The following EHBP1 variants were observed in gnomAD, a reference collection of about 807,000 sequenced individuals.
The protein encoded by EHBP1 is EH domain-binding protein 1.
Under a neutral mutation model 144.0 loss-of-function variants are expected in EHBP1, and 55 were observed. That is an observed-to-expected ratio of 0.38 (90% CI 0.31 to 0.48). The LOEUF is 0.48. Ranked by LOEUF, EHBP1 falls within the 20% of genes least tolerant of loss-of-function variation. EHBP1 has a pLI of 0.98. For synonymous variants in EHBP1, 469 were observed against 472.7 expected (o/e 0.99, Z 0.10); for missense variants, 1,200 against 1,364.2 (o/e 0.88, Z 1.90).
chr2:62,691,667 G>C (rs1230053845), intron 1 of EHBP1, among the ~76,000 whole-genome samples: 1 of 152,140 alleles, frequency 6.6e-6, no homozygotes, highest in African/African-American at 2.4e-5. Flanking sequence ...TAATTTTACT[G>C]ATAAATGAAC....
intron 4 of EHBP1, among the ~76,000 whole-genome samples, chr2:62,767,374 A>G (rs544482679): frequency 6.6e-6 from 1 of 152,290 alleles, no homozygotes; most frequent in South Asian, 2.1e-4. Context: ...AATAATGATT[A>G]TAATTTAGAT....
At chr2:62,958,537 G>T (rs1433743306) in intron 14 of EHBP1, among the ~76,000 whole-genome samples, 1 of 152,188 alleles carries the variant, frequency 6.6e-6, no homozygotes, top group East Asian at 1.9e-4. Context: ...ATTGGTGGTT[G>T]CCTGATGCCA....
At chr2:62,788,678 T>A (rs1180971576) in intron 5 of EHBP1, among the ~76,000 whole-genome samples, 1 of 152,212 alleles carries the variant, frequency 6.6e-6, no homozygotes, top group Non-Finnish European at 1.5e-5. Flanking sequence ...GAAATTATTT[T>A]ACTTAATTTT....
chr2:62,837,858 C>T (rs2047419301), intron 7 of EHBP1, among the ~76,000 whole-genome samples: 1 of 150,822 alleles, frequency 6.6e-6, no homozygotes, highest in Admixed American at 6.6e-5. Context: ...GAGTGACCTA[C>T]AAAGAGACTT....
upstream of EHBP1, among the ~76,000 whole-genome samples, chr2:62,700,934 T>A (rs2034262623): frequency 6.6e-6 from 1 of 152,182 alleles, no homozygotes; most frequent in African/African-American, 2.4e-5. Context: ...AGGACTCTAA[T>A]AAGGAGAAAA....
At chr2:62,721,916 A>G (rs150696425) in intron 2 of EHBP1, among the ~76,000 whole-genome samples, 344 of 152,284 alleles carry the variant, frequency 2.3e-3, no homozygotes, top group African/African-American at 7.7e-3. Context: ...TTTTGAAATA[A>G]TTTCAGACTT....
Position 62,948,654 on chromosome 2 carries a change from G to A in EHBP1, c.1808G>A (p.Ser603Asn), listed in dbSNP as rs760527063. ...ACTCCTGATGATCACCTTAGTCCAA[G>A]CACAGCCTCCCCTTACTGTCGCAGG... ...HQTPDDHLSP[S>N]TASPYCRRTK... The change falls in exon 13 of 23, where the codon AGC becomes AAC. Residue 603 changes from serine to asparagine, a missense_variant. By Grantham distance (46) the Ser-to-Asn change is conservative. This residue lies in a region of EHBP1 where 543 missense variants were observed against 513.1 expected (regional missense o/e 1.06). Transcript: ENST00000431489. The A allele has an allele frequency of 6.2e-7, 1 of 1,613,962 alleles. No individual in the cohort carries two copies. The highest frequency in any genetic ancestry group is 8.5e-7 in the Non-Finnish European group (1 of 1,179,972).
At chr2:62,774,400 G>T (rs1432318445) in intron 5 of EHBP1, among the ~76,000 whole-genome samples, 2 of 150,230 alleles carry the variant, frequency 1.3e-5, no homozygotes, top group African/African-American at 4.9e-5. Flanking sequence ...AGAGAGAAAA[G>T]AAAGGAAGAA....
intron 5 of EHBP1, among the ~76,000 whole-genome samples, chr2:62,791,944 C>T (rs942251149): frequency 1.3e-5 from 2 of 151,978 alleles, no homozygotes; most frequent in African/African-American, 2.4e-5. Flanking sequence ...TAACACTCAG[C>T]AGCAATACTT....
chr2:62,958,369 A>G (rs1240514279), intron 14 of EHBP1, among the ~76,000 whole-genome samples: 1 of 152,242 alleles, frequency 6.6e-6, no homozygotes, highest in East Asian at 1.9e-4. Flanking sequence ...ATGCAATATA[A>G]TATTACCCAG....
chr2:62,745,066 G>A (rs1486406231), intron 2 of EHBP1, among the ~76,000 whole-genome samples: 2 of 152,108 alleles, frequency 1.3e-5, no homozygotes, highest in East Asian at 3.9e-4. Flanking sequence ...TGGATGAGTT[G>A]CAGAGATGAT....
At chr2:62,884,185 T>C (rs1026045194) in intron 10 of EHBP1, among the ~76,000 whole-genome samples, 4 of 152,184 alleles carry the variant, frequency 2.6e-5, no homozygotes, top group Non-Finnish European at 5.9e-5. Context: ...AAGGTCTTGG[T>C]AAGATGGAGG....
chr2:62,740,303 G>T (rs1033740157), intron 2 of EHBP1, among the ~76,000 whole-genome samples: 2 of 152,130 alleles, frequency 1.3e-5, no homozygotes, highest in African/African-American at 4.8e-5. Context: ...TTACAGAAAA[G>T]AAATATATCC....
At chr2:63,014,704 G>A (rs572544425) in intron 19 of EHBP1, among the ~76,000 whole-genome samples, 5 of 152,184 alleles carry the variant, frequency 3.3e-5, no homozygotes, top group Admixed American at 6.5e-5. Context: ...ACACGGCTGG[G>A]CACAGGCTCA....
intron 10 of EHBP1, among the ~76,000 whole-genome samples, chr2:62,901,504 A>G (rs774532216): frequency 1.3e-5 from 2 of 152,122 alleles, no homozygotes; most frequent in Non-Finnish European, 2.9e-5. Flanking sequence ...GCTTCATTTG[A>G]TAGAACTGGA....
At chr2:62,857,546 C>T (rs1309028075) in intron 7 of EHBP1, among the ~76,000 whole-genome samples, 2 of 152,116 alleles carry the variant, frequency 1.3e-5, no homozygotes, top group African/African-American at 4.8e-5. Context: ...TACTTCCAAT[C>T]GTTTTATTTC....
chr2:62,915,742 G>A (rs1162537542), intron 10 of EHBP1, among the ~76,000 whole-genome samples: 4 of 152,134 alleles, frequency 2.6e-5, no homozygotes, highest in East Asian at 1.9e-4. Context: ...AATTGTTAAT[G>A]GGGTTTGATT....
chr2:62,818,874 A>T (rs2045652303), intron 5 of EHBP1, among the ~76,000 whole-genome samples: 1 of 152,224 alleles, frequency 6.6e-6, no homozygotes, highest in African/African-American at 2.4e-5. Context: ...AGATCAATGT[A>T]ATAAAAAGAT....
chr2:62,961,702 T>C (rs2058010903), intron 14 of EHBP1, among the ~76,000 whole-genome samples: 1 of 152,184 alleles, frequency 6.6e-6, no homozygotes, highest in Admixed American at 6.5e-5. Flanking sequence ...TTTTATTATT[T>C]TTCTTTATTA....
Sources: gnomAD v4.1 joint callset for allele counts (sites outside exome capture counted in the v4.1 genomes callset) on GRCh38, gnomAD v4.1.1 for gene constraint, gnomAD v4.1.1 regional missense constraint, MANE v1.5 for transcripts, NCBI Gene and HGNC (gene_info 2026-07-23, HGNC 2026-07-21) for gene names.